RSPO2: variants seen among roughly 807,000 people sequenced by gnomAD.
RSPO2 encodes the protein R-spondin-2.
RSPO2 carries 14 observed loss-of-function variants against 30.9 expected under a neutral mutation model. The observed-to-expected ratio is 0.45, with a 90% CI of 0.30 to 0.71. RSPO2 has a LOEUF of 0.71. Ranked by LOEUF, RSPO2 falls within the 30% of genes least tolerant of loss-of-function variation. The probability of loss-of-function intolerance (pLI) is 0.08; values close to 1 mark genes in which losing one functional copy is unlikely to be tolerated. For synonymous variants in RSPO2, 107 were observed against 96.4 expected, an observed-to-expected ratio of 1.11 and a Z score of -0.64; for missense variants, 264 against 301.9, an observed-to-expected ratio of 0.87 and a Z score of 0.93.
At chr8:107,975,076 C>A (rs1488907585) in intron 3 of RSPO2, among the ~76,000 whole-genome samples, 2 of 152,146 alleles carry the variant, frequency 1.3e-5, no homozygotes, top group Non-Finnish European at 2.9e-5. Context: ...CACACTAGCT[C>A]ACTGAAACAA....
chr8:108,026,049 G>C (rs1016653795), intron 2 of RSPO2, among the ~76,000 whole-genome samples: 4 of 152,096 alleles, frequency 2.6e-5, no homozygotes, highest in Non-Finnish European at 5.9e-5. Flanking sequence ...CCTTAACATA[G>C]TGATCAAAGT....
intron 5 of RSPO2, among the ~76,000 whole-genome samples, chr8:107,957,740 C>T (rs149661479): frequency 3.5e-4 from 54 of 152,264 alleles, no homozygotes; most frequent in African/African-American, 1.2e-3. Flanking sequence ...TCCCTCAGAG[C>T]AACATCTGCG....
intron 5 of RSPO2, among the ~76,000 whole-genome samples, chr8:107,921,755 C>A (rs1350243457): frequency 2.6e-5 from 4 of 152,102 alleles, no homozygotes; most frequent in African/African-American, 9.7e-5. Flanking sequence ...GCTTATCCAC[C>A]ATGATCAAGT....
At chr8:107,994,533 A>G (rs1477121201) in intron 2 of RSPO2, among the ~76,000 whole-genome samples, 1 of 152,196 alleles carries the variant, frequency 6.6e-6, no homozygotes, top group Non-Finnish European at 1.5e-5. Flanking sequence ...ATCGTACCTT[A>G]AAAGAAAAGA....
chr8:108,081,206 G>A (rs1813182899), intron 2 of RSPO2, among the ~76,000 whole-genome samples: 1 of 152,148 alleles, frequency 6.6e-6, no homozygotes, highest in African/African-American at 2.4e-5. Flanking sequence ...CACACCATCA[G>A]TTATTTGGAG....
intron 5 of RSPO2, among the ~76,000 whole-genome samples, chr8:107,951,476 C>T (rs527705560): frequency 2.0e-5 from 3 of 152,136 alleles, no homozygotes; most frequent in South Asian, 2.1e-4. Flanking sequence ...CCATGTGTGT[C>T]CTATTAAAGT....
chr8:108,035,281 C>A (rs1268785721), intron 2 of RSPO2, among the ~76,000 whole-genome samples: 1 of 152,146 alleles, frequency 6.6e-6, no homozygotes, highest in Admixed American at 6.5e-5. Flanking sequence ...TTTGGTGAGA[C>A]TTCCTACTGT....
At position 108,082,587 on chromosome 8, in the gene RSPO2, A is replaced by G; in HGVS notation, c.52T>C (p.Tyr18His). ...CATCGGTTGCCTTGGCAGTGGCTGT[A>G]ATCCATGCAGTTCAGAATGATGAGG... ...FALIILNCMD[Y>H]SHCQGNRWRR... Residue 18 changes from tyrosine (Y) to histidine (H), a missense_variant, in exon 2 of 6, where the codon TAC (tyrosine) becomes CAC (histidine). Coordinates refer to ENST00000276659, the MANE Select transcript of RSPO2 (RefSeq NM_178565.5). 1 of 1,614,120 alleles carries G rather than the reference A, an allele frequency of 6.2e-7. No homozygotes were observed. The highest frequency in any genetic ancestry group is 8.5e-7 in the Non-Finnish European group (1 of 1,179,992).
At chr8:107,923,854 A>G (rs1043602814) in intron 5 of RSPO2, among the ~76,000 whole-genome samples, 1 of 152,000 alleles carries the variant, frequency 6.6e-6, no homozygotes, top group East Asian at 1.9e-4. Flanking sequence ...AAAACTAAAT[A>G]CCCCATGTTC....
rs189188284 is a variant in RSPO2 at position 107,980,109 on chromosome 8, T to G, written c.283+8947A>C. On this transcript the variant is annotated intron_variant, in intron 3 of 5. Transcript: ENST00000276659. The stretch of plus-strand genomic sequence containing the variant: ...CTTTCAAGATAGTTTTATAACACAC[T>G]CTTCGGAAAATCTGAAGACTCACCC... 4.1e-4 allele frequency among the ~76,000 whole-genome samples: 63 copies of G among 152,250 alleles called. 1 individual carries two copies. The highest frequency in any genetic ancestry group is 3.4e-3 in the Middle Eastern group (1 of 294).
rs568016931 is a variant in RSPO2 at position 108,074,105 on chromosome 8, A to C, written c.94+8440T>G. Among the ~76,000 whole-genome samples the C allele has an allele frequency of 3.3e-5, 5 of 152,354 alleles. No homozygotes were observed. In the South Asian group the frequency reaches 1.0e-3, roughly 32 times the overall value. On this transcript the variant is annotated intron_variant, in intron 2 of 5. Transcript: ENST00000276659. ...ATTTCAGGAAGCTTACAAAAACCCT[A>C]GCCCTACCTCTGGACCCCAAGTTAA...
intron 2 of RSPO2, among the ~76,000 whole-genome samples, chr8:107,991,291 C>T (rs1471628456): frequency 1.3e-5 from 2 of 149,758 alleles, no homozygotes; most frequent in Admixed American, 6.7e-5. Flanking sequence ...CACACACACA[C>T]GCAATGGGGA....
intron 5 of RSPO2, among the ~76,000 whole-genome samples, chr8:107,955,108 G>A (rs751624152): frequency 6.6e-6 from 1 of 152,110 alleles, no homozygotes; most frequent in Non-Finnish European, 1.5e-5. Context: ...CAAATGCAGG[G>A]GGCAGCTACT....
chr8:108,033,049 CAAAAAAAAAAAAAA>C (rs35774922), intron 2 of RSPO2, among the ~76,000 whole-genome samples: 12 of 68,752 alleles, frequency 1.7e-4, no homozygotes, highest in African/African-American at 4.9e-4. Context: ...GACTCTGTCT[CAAAAAAAAAAAAAA>C]AAAAAAAAAA....
rs117634483 is a variant in RSPO2 at position 107,965,421 on chromosome 8, A to G, written c.284-4604T>C. On this transcript the variant is annotated intron_variant, in intron 3 of 5. Transcript: ENST00000276659. ...GCTCTAATATAACATTTTTCAAATC[A>G]CACTGTAGTCCAGCTCAACAGTTCA... Among the ~76,000 whole-genome samples the G allele has an allele frequency of 8.1e-3, 1,239 of 152,252 alleles. 9 individuals carry two copies. The highest frequency in any genetic ancestry group is 0.032 in the South Asian group (154 of 4,822).
chr8:107,995,698 C>T (rs1244395768), intron 2 of RSPO2, among the ~76,000 whole-genome samples: 1 of 152,062 alleles, frequency 6.6e-6, no homozygotes, highest in African/African-American at 2.4e-5. Flanking sequence ...TTTCTTCCTC[C>T]TCTAGCTTCT....
At position 107,900,380 on chromosome 8, in the gene RSPO2, A is replaced by G. The variant is rs949721624; in HGVS notation, c.*695T>C. 3.3e-5 allele frequency: 5 copies of G among 152,498 alleles called. No individual in the cohort carries two copies. Among genetic ancestry groups the G allele is most frequent in the African/African-American group, 1.2e-4 (5 of 41,460 alleles). The allele number at this position is 152,498 out of a possible 1,614,324, so 9.4% of individuals were successfully genotyped here. On this transcript the variant is annotated 3_prime_UTR_variant, in exon 6 of 6. Coordinates refer to ENST00000276659, the MANE Select transcript of RSPO2 (RefSeq NM_178565.5). ...TCAAGAGGCAACAAAACAAGTGTCA[A>G]TTCCCCAAACTAGAAAAGTCATTTA...
intron 2 of RSPO2, among the ~76,000 whole-genome samples, chr8:108,035,673 G>A (rs375598482): frequency 3.3e-5 from 5 of 151,864 alleles, no homozygotes; most frequent in African/African-American, 7.3e-5. Context: ...GGGTTTCACC[G>A]TGTTAGCCAG....
chr8:108,023,312 G>C (rs1357427050), intron 2 of RSPO2, among the ~76,000 whole-genome samples: 1 of 152,010 alleles, frequency 6.6e-6, no homozygotes, highest in Non-Finnish European at 1.5e-5. Context: ...AGCATCCCTG[G>C]GGAGCATGCC....
Sources: allele counts gnomAD v4.1 joint callset (sites outside exome capture counted in the v4.1 genomes callset), GRCh38; gene constraint gnomAD v4.1.1; transcripts MANE v1.5; gene names NCBI Gene and HGNC (gene_info 2026-07-23, HGNC 2026-07-21).